Variants in CRPPA observed in about 807,000 individuals in gnomAD.
CRPPA encodes CDP-L-ribitol pyrophosphorylase A.
Under a neutral mutation model 52.0 loss-of-function variants are expected in CRPPA, and 43 were observed. That is an observed-to-expected ratio of 0.83 (90% confidence interval 0.65 to 1.07). The LOEUF (loss-of-function observed/expected upper bound fraction) is 1.07. Ranked by LOEUF, CRPPA falls within the 50% of genes least tolerant of loss-of-function variation. The pLI, the probability that CRPPA is intolerant of heterozygous loss-of-function variation, is 0.00. For missense variants in CRPPA, 629 were observed against 551.7 expected, an observed-to-expected ratio of 1.14 and a Z score of -1.40; for synonymous variants, 250 against 203.5, an observed-to-expected ratio of 1.23 and a Z score of -1.94.
At chr7:16,372,087 G>A (rs1055132726) in intron 3 of CRPPA, among the ~76,000 whole-genome samples, 6 of 152,158 alleles carry the variant, frequency 3.9e-5, no homozygotes, top group African/African-American at 9.6e-5. Context: ...TGGTGTGCCT[G>A]AGGGAGAAAT....
intron 9 of CRPPA, among the ~76,000 whole-genome samples, chr7:16,144,050 A>G (rs1782924722): frequency 6.6e-6 from 1 of 152,200 alleles, no homozygotes; most frequent in Non-Finnish European, 1.5e-5. Context: ...ATTCAGGTAG[A>G]GGGAAGGAAA....
At chr7:16,246,081 G>T (rs763034548) in intron 8 of CRPPA, among the ~76,000 whole-genome samples, 14 of 152,064 alleles carry the variant, frequency 9.2e-5, no homozygotes, top group Non-Finnish European at 1.6e-4. Flanking sequence ...GATACTGTTT[G>T]ATAGCATTTG....
intron 3 of CRPPA, among the ~76,000 whole-genome samples, chr7:16,361,723 GTGAAAGTTT>G (rs913400370): frequency 6.6e-6 from 1 of 152,170 alleles, no homozygotes; most frequent in Non-Finnish European, 1.5e-5. Flanking sequence ...TAAGCACAAA[GTGAAAGTTT>G]TGAAAGATAA....
At chr7:16,096,494 A>ATTAAT (rs1781936968) in intron 9 of CRPPA, among the ~76,000 whole-genome samples, 1 of 152,184 alleles carries the variant, frequency 6.6e-6, no homozygotes, top group African/African-American at 2.4e-5. Flanking sequence ...GAAATTAAGA[A>ATTAAT]TTAATTGGAC....
At position 16,376,152 on chromosome 7, in the gene CRPPA, G is replaced by A. The variant is rs753402125; in HGVS notation, c.624C>T (p.His208=). The change falls in exon 3 of 10, where the codon CAC becomes CAT. Residue 208 remains histidine (H), a synonymous_variant. Transcript: ENST00000407010. ...CLDYSLERAR[H]RASEMPQAFL... ...AAGCTTGGGGCATTTCACTTGCTCT[G>A]TGTCTGGCACGTTCTAGCGAGTAGT... 2 of 1,613,112 alleles carry A rather than the reference G, an allele frequency of 1.2e-6. No homozygotes were observed. Among genetic ancestry groups the A allele is most frequent in the Non-Finnish European group, 1.7e-6 (2 of 1,179,526 alleles).
intron 9 of CRPPA, among the ~76,000 whole-genome samples, chr7:16,189,831 GA>G (rs1320856924): frequency 1.3e-5 from 2 of 152,116 alleles, no homozygotes; most frequent in East Asian, 3.8e-4. Flanking sequence ...AATCCCAGGT[GA>G]AAATATCCAA....
At chr7:16,396,859 A>T (rs1787589734) in intron 2 of CRPPA, among the ~76,000 whole-genome samples, 1 of 152,264 alleles carries the variant, frequency 6.6e-6, no homozygotes, top group Non-Finnish European at 1.5e-5. Context: ...GTAATGGAAG[A>T]TGACACATGA....
At chr7:16,394,090 A>G (rs1787511121) in intron 2 of CRPPA, among the ~76,000 whole-genome samples, 1 of 152,148 alleles carries the variant, frequency 6.6e-6, no homozygotes, top group Non-Finnish European at 1.5e-5. Context: ...GTATAATTCA[A>G]GACAAGTTTG....
chr7:16,101,193 T>C (rs1782036491), intron 9 of CRPPA, among the ~76,000 whole-genome samples: 3 of 152,172 alleles, frequency 2.0e-5, no homozygotes, highest in Admixed American at 2.0e-4. Context: ...GGAATCTCTC[T>C]TTTTCTATTG....
chr7:16,331,687 C>A lies in CRPPA; in HGVS notation c.685-23060G>T, dbSNP rs557305076. ...GGAATCAAAAAGAAATGCTAGAGAT[C>A]AAAAACACTAATAGAAATGAAGAAT... On this transcript the variant is annotated intron_variant, in intron 3 of 9. Coordinates refer to ENST00000407010, the MANE Select transcript of CRPPA (RefSeq NM_001101426.4). 7.9e-5 allele frequency among the ~76,000 whole-genome samples: 12 copies of A among 152,152 alleles called. No homozygotes were observed. In the South Asian group the frequency reaches 2.3e-3, roughly 29 times the overall value.
intron 3 of CRPPA, among the ~76,000 whole-genome samples, chr7:16,313,585 G>A (rs1235873118): frequency 6.6e-6 from 1 of 151,746 alleles, no homozygotes; most frequent in Non-Finnish European, 1.5e-5. Context: ...TTAATCTGCT[G>A]TTCTTTTTCT....
intron 9 of CRPPA, among the ~76,000 whole-genome samples, chr7:16,215,669 T>C (rs186444806): frequency 6.6e-6 from 1 of 152,346 alleles, no homozygotes; most frequent in Admixed American, 6.5e-5. Flanking sequence ...GGACAAGGAA[T>C]CTGGCTTTGT....
intron 3 of CRPPA, among the ~76,000 whole-genome samples, chr7:16,339,054 C>T: frequency 6.6e-6 from 1 of 152,038 alleles, no homozygotes; most frequent in Non-Finnish European, 1.5e-5. Context: ...ATCCGCCCGC[C>T]TCGGCCTCCC....
At chr7:16,129,956 C>T (rs1439405942) in intron 9 of CRPPA, among the ~76,000 whole-genome samples, 1 of 152,096 alleles carries the variant, frequency 6.6e-6, no homozygotes, top group Admixed American at 6.6e-5. Context: ...CTGGTTGGTG[C>T]CCTAGCTTCA....
At chr7:16,149,897 A>T (rs1783043761) in intron 9 of CRPPA, among the ~76,000 whole-genome samples, 1 of 151,842 alleles carries the variant, frequency 6.6e-6, no homozygotes, top group South Asian at 2.1e-4. Flanking sequence ...GAGGCAGGAG[A>T]ACTGATTGAA....
chr7:16,409,236 T>C (rs1279566508), intron 1 of CRPPA, among the ~76,000 whole-genome samples: 1 of 152,144 alleles, frequency 6.6e-6, no homozygotes. Context: ...AGGAAATGGA[T>C]ACTCCCCCAA....
At chr7:16,118,456 T>C (rs1782421505) in intron 9 of CRPPA, among the ~76,000 whole-genome samples, 1 of 152,142 alleles carries the variant, frequency 6.6e-6, no homozygotes, top group Non-Finnish European at 1.5e-5. Context: ...CCCTGCTACT[T>C]AAAAATTGTG....
At chr7:16,164,314 T>A (rs1009426936) in intron 9 of CRPPA, among the ~76,000 whole-genome samples, 2 of 152,206 alleles carry the variant, frequency 1.3e-5, no homozygotes, top group Non-Finnish European at 2.9e-5. Flanking sequence ...TAAAGATACT[T>A]GTGTATGATT....
At chr7:16,361,918 T>C (rs1231993672) in intron 3 of CRPPA, among the ~76,000 whole-genome samples, 1 of 152,152 alleles carries the variant, frequency 6.6e-6, no homozygotes, top group Admixed American at 6.5e-5. Context: ...GCAGTGGCTC[T>C]ATCTCGGCTC....
Sources: allele counts gnomAD v4.1 joint callset (sites outside exome capture counted in the v4.1 genomes callset), GRCh38; gene constraint gnomAD v4.1.1; transcripts MANE v1.5; gene names NCBI Gene and HGNC (gene_info 2026-07-23, HGNC 2026-07-21).